COMMD10: variants seen among roughly 807,000 people sequenced by gnomAD.
The protein encoded by COMMD10 is COMM domain containing 10.
Under a neutral mutation model 28.9 loss-of-function variants are expected in COMMD10, and 33 were observed. That is an observed-to-expected ratio of 1.14 (90% CI 0.87 to 1.53). The LOEUF (loss-of-function observed/expected upper bound fraction) is 1.53, where lower values mean the gene tolerates loss of function less well. COMMD10 is among the 40% of genes most tolerant of loss of function. COMMD10 has a pLI of 0.00. For missense variants in COMMD10, 310 were observed against 233.4 expected (o/e 1.33, Z -2.14); for synonymous variants, 110 against 81.7 (o/e 1.35, Z -1.87).
At chr5:116,124,779 A>G (rs1368637249) in intron 4 of COMMD10, among the ~76,000 whole-genome samples, 1 of 152,148 alleles carries the variant, frequency 6.6e-6, no homozygotes, top group Non-Finnish European at 1.5e-5. Context: ...TATATTTAGG[A>G]TAGTTAGCTC....
At chr5:116,225,526 T>C (rs1749372829) in intron 5 of COMMD10, among the ~76,000 whole-genome samples, 1 of 152,110 alleles carries the variant, frequency 6.6e-6, no homozygotes, top group African/African-American at 2.4e-5. Context: ...TCCTGTGAGG[T>C]ATTCAGCTTA....
intron 4 of COMMD10, among the ~76,000 whole-genome samples, chr5:116,100,844 A>G (rs1750637015): frequency 1.3e-5 from 2 of 152,278 alleles, no homozygotes; most frequent in South Asian, 4.1e-4. Context: ...AGATTTCATA[A>G]TGGTGAATTC....
At chr5:116,108,021 T>C (rs183564399) in intron 4 of COMMD10, among the ~76,000 whole-genome samples, 81 of 152,372 alleles carry the variant, frequency 5.3e-4, no homozygotes, top group African/African-American at 1.9e-3. Flanking sequence ...CAGCAAAGAT[T>C]GCTGCCTCTT....
intron 5 of COMMD10, among the ~76,000 whole-genome samples, chr5:116,253,374 T>C (rs201709906): frequency 0.11 from 15,253 of 143,420 alleles, 791 homozygotes; most frequent in African/African-American, 0.18. Context: ...TGTCTTGTGC[T>C]AGTGTTCAAA....
chr5:116,213,086 A>T (rs1292957266), intron 5 of COMMD10, among the ~76,000 whole-genome samples: 1 of 152,086 alleles, frequency 6.6e-6, no homozygotes, highest in Non-Finnish European at 1.5e-5. Context: ...TTGGTTTGTC[A>T]TATTTTATTG....
chr5:116,213,362 A>G (rs1417020798), intron 5 of COMMD10, among the ~76,000 whole-genome samples: 2 of 152,188 alleles, frequency 1.3e-5, no homozygotes, highest in Admixed American at 6.5e-5. Context: ...AGTGTGAGTC[A>G]CATGTGGGTC....
At chr5:116,214,696 A>T (rs545300954) in intron 5 of COMMD10, among the ~76,000 whole-genome samples, 8 of 152,066 alleles carry the variant, frequency 5.3e-5, no homozygotes, top group African/African-American at 1.9e-4. Flanking sequence ...TCATTTTTTC[A>T]TTTATCTGCG....
chr5:116,103,062 T>C (rs1027214310), intron 4 of COMMD10, among the ~76,000 whole-genome samples: 1 of 152,238 alleles, frequency 6.6e-6, no homozygotes, highest in African/African-American at 2.4e-5. Flanking sequence ...TTTAATCCAG[T>C]CTTTCATTGA....
intron 5 of COMMD10, among the ~76,000 whole-genome samples, chr5:116,158,241 C>T (rs368332162): frequency 0.32 from 1,377 of 4,302 alleles, 612 homozygotes; most frequent in Non-Finnish European, 0.44. Context: ...CTCCGTCTCC[C>T]CTCTCTCCGT....
chr5:116,141,610 G>A (rs568478396), intron 5 of COMMD10, among the ~76,000 whole-genome samples: 3 of 151,674 alleles, frequency 2.0e-5, no homozygotes, highest in Non-Finnish European at 4.4e-5. Context: ...AGTTTTCAGA[G>A]CTTTCACTTC....
At chr5:116,272,109 C>A (rs1389310066) in intron 5 of COMMD10, among the ~76,000 whole-genome samples, 2 of 151,748 alleles carry the variant, frequency 1.3e-5, no homozygotes. Context: ...TCAACATAGG[C>A]TCCATTAAGG....
Position 116,208,020 on chromosome 5 carries a change from A to G in COMMD10, c.510+73842A>G, listed in dbSNP as rs530949152. On this transcript the variant is annotated intron_variant, in intron 5 of 6. Coordinates refer to ENST00000274458, the MANE Select transcript of COMMD10 (RefSeq NM_016144.4). ...TAAGAACATGGGCTCCTGAATTGCA[A>G]TGCCTGGGTTCTGTTCTTGGTTGTG... Among the ~76,000 whole-genome samples, 34 of 152,244 alleles carry G rather than the reference A, an allele frequency of 2.2e-4. 2 individuals carry two copies. In the South Asian group the frequency reaches 4.1e-3, roughly 19 times the overall value.
intron 4 of COMMD10, among the ~76,000 whole-genome samples, chr5:116,128,405 A>G (rs372816564): frequency 2.6e-5 from 4 of 152,174 alleles, no homozygotes; most frequent in African/African-American, 7.2e-5. Context: ...AACCTAGGAC[A>G]TTAAAGTGTA....
intron 5 of COMMD10, among the ~76,000 whole-genome samples, chr5:116,194,648 A>G (rs530409275): frequency 5.3e-4 from 81 of 152,318 alleles, no homozygotes; most frequent in African/African-American, 1.9e-3. Context: ...GAACAGACCA[A>G]TAACAAGCAG....
At chr5:116,199,810 C>T (rs897215147) in intron 5 of COMMD10, among the ~76,000 whole-genome samples, 4 of 152,128 alleles carry the variant, frequency 2.6e-5, no homozygotes, top group African/African-American at 9.7e-5. Flanking sequence ...CCAGGTTGGT[C>T]TTCAACTCCT....
At chr5:116,191,948 A>C (rs1331682344) in intron 5 of COMMD10, among the ~76,000 whole-genome samples, 1 of 146,078 alleles carries the variant, frequency 6.8e-6, no homozygotes. Flanking sequence ...GCTGGTATCT[A>C]CGGAGAAGAG....
intron 5 of COMMD10, among the ~76,000 whole-genome samples, chr5:116,228,887 C>G (rs1749461996): frequency 6.6e-6 from 1 of 151,904 alleles, no homozygotes; most frequent in Non-Finnish European, 1.5e-5. Context: ...AGCATTGAGA[C>G]ATATTCTTGT....
intron 5 of COMMD10, among the ~76,000 whole-genome samples, chr5:116,180,120 A>C (rs1747901881): frequency 6.6e-6 from 1 of 152,112 alleles, no homozygotes; most frequent in African/African-American, 2.4e-5. Flanking sequence ...GACAGTCAAT[A>C]CTGAAATTTT....
chr5:116,150,250 G>C (rs1480218800), intron 5 of COMMD10, among the ~76,000 whole-genome samples: 1 of 152,074 alleles, frequency 6.6e-6, no homozygotes, highest in Non-Finnish European at 1.5e-5. Flanking sequence ...TGCTGTTTTG[G>C]TTACTGTAGC....
Sources: gnomAD v4.1 joint callset for allele counts (sites outside exome capture counted in the v4.1 genomes callset) on GRCh38, gnomAD v4.1.1 for gene constraint, MANE v1.5 for transcripts, NCBI Gene and HGNC (gene_info 2026-07-23, HGNC 2026-07-21) for gene names.